CACNA1D: variants seen among roughly 807,000 people sequenced by gnomAD.
CACNA1D encodes the protein calcium voltage-gated channel subunit alpha1 D, also known as voltage-dependent L-type calcium channel subunit alpha-1D.
In CACNA1D, 55 loss-of-function variants were observed where a neutral mutation model predicts 257.1. The observed-to-expected ratio is 0.21, with a 90% CI of 0.17 to 0.27. The LOEUF is 0.27. CACNA1D is among the 10% of genes least tolerant of loss of function. The pLI, the probability that CACNA1D is intolerant of heterozygous loss-of-function variation, is 1.00. For synonymous variants in CACNA1D, 980 were observed against 1,014.9 expected, an observed-to-expected ratio of 0.97 and a Z score of 0.65; for missense variants, 1,876 against 2,784.0, an observed-to-expected ratio of 0.67 and a Z score of 7.34.
chr3:53,554,782 A>T (rs2092607470), intron 3 of CACNA1D, among the ~76,000 whole-genome samples: 1 of 152,202 alleles, frequency 6.6e-6, no homozygotes, highest in South Asian at 2.1e-4. Context: ...TGTACCCAGT[A>T]AACAATCAAT....
At chr3:53,729,242 TA>T (rs1245944586) in intron 15 of CACNA1D, among the ~76,000 whole-genome samples, 2 of 152,256 alleles carry the variant, frequency 1.3e-5, no homozygotes, top group African/African-American at 2.4e-5. Flanking sequence ...AGTCTTAATG[TA>T]ATTCACTTAC....
chr3:53,728,414 C>T (rs2108749641), intron 15 of CACNA1D, among the ~76,000 whole-genome samples: 1 of 152,284 alleles, frequency 6.6e-6, no homozygotes, highest in Non-Finnish European at 1.5e-5. Context: ...GCTGGGATTA[C>T]AGGTGTGAGC....
intron 3 of CACNA1D, among the ~76,000 whole-genome samples, chr3:53,520,673 G>A (rs564728741): frequency 3.3e-5 from 5 of 152,078 alleles, no homozygotes; most frequent in East Asian, 1.9e-4. Flanking sequence ...GGTTCAAGCC[G>A]GAGAATCGCT....
At chr3:53,761,187 A>G (rs1354543639) in intron 29 of CACNA1D, among the ~76,000 whole-genome samples, 2 of 152,200 alleles carry the variant, frequency 1.3e-5, no homozygotes, top group African/African-American at 4.8e-5. Flanking sequence ...CTCAGCCTAG[A>G]GGGTGAAAAG....
intron 3 of CACNA1D, among the ~76,000 whole-genome samples, chr3:53,596,035 C>T (rs1453442949): frequency 1.3e-5 from 2 of 152,168 alleles, no homozygotes; most frequent in African/African-American, 2.4e-5. Context: ...CAAGGCTTAG[C>T]CACTTACTGC....
intron 14 of CACNA1D, among the ~76,000 whole-genome samples, chr3:53,725,161 CA>C (rs2094923164): frequency 6.6e-6 from 1 of 152,194 alleles, no homozygotes; most frequent in African/African-American, 2.4e-5. Context: ...CTGATAGCTA[CA>C]ACTCAGTTAA....
chr3:53,621,563 A>T (rs1576123381), intron 3 of CACNA1D, among the ~76,000 whole-genome samples: 1 of 152,252 alleles, frequency 6.6e-6, no homozygotes, highest in Admixed American at 6.5e-5. Context: ...GGACTTAGGT[A>T]TAAACAAATG....
intron 11 of CACNA1D, among the ~76,000 whole-genome samples, chr3:53,721,253 C>T (rs551059996): frequency 6.6e-6 from 1 of 152,282 alleles, no homozygotes; most frequent in South Asian, 2.1e-4. Flanking sequence ...AAAGAGTTGG[C>T]ACAACTCTTT....
chr3:53,507,276 G>T (rs950702128), intron 3 of CACNA1D, among the ~76,000 whole-genome samples: 5 of 152,074 alleles, frequency 3.3e-5, no homozygotes, highest in African/African-American at 1.2e-4. Flanking sequence ...TTACTTGATT[G>T]AGTATTGACG....
intron 3 of CACNA1D, among the ~76,000 whole-genome samples, chr3:53,641,335 A>T (rs551777108): frequency 4.6e-5 from 7 of 152,242 alleles, no homozygotes; most frequent in Admixed American, 4.6e-4. Context: ...TCCGCCCCAA[A>T]GGAGACTCCT....
chr3:53,797,574 A>G (rs2095513535), intron 40 of CACNA1D, among the ~76,000 whole-genome samples: 1 of 152,280 alleles, frequency 6.6e-6, no homozygotes, highest in South Asian at 2.1e-4. Flanking sequence ...TCCATGATTT[A>G]TGTTGCAAAC....
intron 3 of CACNA1D, among the ~76,000 whole-genome samples, chr3:53,535,295 C>T (rs1037934054): frequency 6.6e-6 from 1 of 152,182 alleles, no homozygotes; most frequent in African/African-American, 2.4e-5. Context: ...GCCTGTGTGT[C>T]CCAAGTGAGC....
At chr3:53,692,837 C>T (rs961871846) in intron 8 of CACNA1D, among the ~76,000 whole-genome samples, 1 of 152,126 alleles carries the variant, frequency 6.6e-6, no homozygotes, top group African/African-American at 2.4e-5. Context: ...GCGGGTGGAT[C>T]CCTTGAGGCC....
At chr3:53,646,480 G>GT (rs1202409621) in intron 3 of CACNA1D, among the ~76,000 whole-genome samples, 5 of 152,044 alleles carry the variant, frequency 3.3e-5, no homozygotes, top group Non-Finnish European at 2.9e-5. Context: ...ATTCCTTTCG[G>GT]TTTTTTTCTT....
chr3:53,681,325 A>G (rs1011743395), intron 8 of CACNA1D, among the ~76,000 whole-genome samples: 1 of 152,208 alleles, frequency 6.6e-6, no homozygotes, highest in East Asian at 1.9e-4. Context: ...TCCGGATGAC[A>G]TTGTTCCACA....
At chr3:53,699,142 A>G (rs2094598351) in intron 8 of CACNA1D, among the ~76,000 whole-genome samples, 1 of 152,180 alleles carries the variant, frequency 6.6e-6, no homozygotes, top group African/African-American at 2.4e-5. Flanking sequence ...GTTATTCTCA[A>G]CTGAGCAGAT....
intron 3 of CACNA1D, among the ~76,000 whole-genome samples, chr3:53,529,343 G>A (rs1269131406): frequency 6.6e-6 from 1 of 152,134 alleles, no homozygotes; most frequent in Non-Finnish European, 1.5e-5. Flanking sequence ...TGCATTCCCA[G>A]GACGCACCTC....
chr3:53,801,560 T>A (rs2095536120), intron 42 of CACNA1D, 135 bp downstream of exon 42: 4 of 1,142,790 alleles, frequency 3.5e-6, no homozygotes, highest in Admixed American at 1.7e-5. Context: ...TGTGTCAGGA[T>A]CTGTGAGTGC....
intron 8 of CACNA1D, among the ~76,000 whole-genome samples, chr3:53,695,989 G>A (rs72975465): frequency 0.016 from 2,361 of 152,194 alleles, 63 homozygotes; most frequent in African/African-American, 0.053. Flanking sequence ...TTTGAGACAA[G>A]GTCTCTGTCT....
Sources: gnomAD v4.1 joint callset for allele counts (sites outside exome capture counted in the v4.1 genomes callset) on GRCh38, gnomAD v4.1.1 for gene constraint, MANE v1.5 for transcripts, NCBI Gene and HGNC (gene_info 2026-07-23, HGNC 2026-07-21) for gene names.